Variants in CCDC6 observed in about 807,000 individuals in gnomAD.
The protein encoded by CCDC6 is coiled-coil domain-containing protein 6.
A neutral mutation model predicts 56.6 loss-of-function variants in CCDC6; 20 were observed. That is an observed-to-expected ratio of 0.35 (90% confidence interval 0.25 to 0.51). The LOEUF (loss-of-function observed/expected upper bound fraction) is 0.51. CCDC6 is among the 20% of genes least tolerant of loss of function. The pLI, the probability that CCDC6 is intolerant of heterozygous loss-of-function variation, is 0.95. For synonymous variants in CCDC6, 241 were observed against 234.4 expected (o/e 1.03, Z -0.26); for missense variants, 367 against 601.1 (o/e 0.61, Z 4.07).
At chr10:59,821,733 T>C (rs557130695) in intron 3 of CCDC6, among the ~76,000 whole-genome samples, 18 of 152,070 alleles carry the variant, frequency 1.2e-4, no homozygotes, top group African/African-American at 4.3e-4. Context: ...ATCAAAGTTA[T>C]AATTGAAAAG....
intron 1 of CCDC6, among the ~76,000 whole-genome samples, chr10:59,894,639 T>TA (rs2132684714): frequency 7.0e-6 from 1 of 142,288 alleles, no homozygotes; most frequent in South Asian, 2.5e-4. Context: ...GATTGTAACA[T>TA]AAATGCAAAG....
Position 59,812,803 on chromosome 10 carries a change from G to A in CCDC6, c.687-8C>T. On this transcript the variant is annotated splice_polypyrimidine_tract_variant and splice_region_variant and intron_variant, in intron 4 of 8. Coordinates refer to ENST00000263102, the MANE Select transcript of CCDC6 (RefSeq NM_005436.5). ...AATTTTTCCTGCAGGATTCTTCATT[G>A]AAAAGAAAAATTCCAACAATGACTA... 1 of 1,576,386 alleles carries A rather than the reference G, an allele frequency of 6.3e-7. No homozygotes were observed. The highest frequency in any genetic ancestry group is 8.6e-7 in the Non-Finnish European group (1 of 1,158,600).
rs1305142203 is a variant in CCDC6 at position 59,792,207 on chromosome 10, A to AT, written c.*709dup. On this transcript the variant is annotated 3_prime_UTR_variant, in exon 9 of 9. Transcript: ENST00000263102. ...CAGGTTAAGTAGATTAACATTAAGG[A>AT]TAAAAAAGAGAATCACATCTTAATA... 1 of 261,000 alleles carries AT rather than the reference A, an allele frequency of 3.8e-6. No individual in the cohort carries two copies. The highest frequency in any genetic ancestry group is 7.5e-6 in the Non-Finnish European group (1 of 134,196). 16.2% of individuals were successfully genotyped at this position (261,000 alleles called of 1,614,324 possible).
intron 1 of CCDC6, among the ~76,000 whole-genome samples, chr10:59,882,985 T>G (rs2071356402): frequency 1.3e-5 from 2 of 149,702 alleles, no homozygotes; most frequent in Admixed American, 6.6e-5. Context: ...TAAAATTAGG[T>G]GAGGGGTGTA....
At chr10:59,814,014 G>A (rs2070692888) in intron 4 of CCDC6, among the ~76,000 whole-genome samples, 4 of 152,046 alleles carry the variant, frequency 2.6e-5, no homozygotes. Context: ...TCCACATACA[G>A]AATCTTCTTC....
intron 1 of CCDC6, among the ~76,000 whole-genome samples, chr10:59,862,813 C>G (rs532276229): frequency 2.7e-4 from 41 of 152,122 alleles, no homozygotes; most frequent in African/African-American, 9.9e-4. Context: ...TGGCAGTGTA[C>G]ATTGGTACAA....
At position 59,906,260 on chromosome 10, in the gene CCDC6, G is replaced by A; in HGVS notation, c.165C>T (p.Arg55=). 1 of 1,612,672 alleles carries A rather than the reference G, an allele frequency of 6.2e-7. No individual in the cohort carries two copies. The highest frequency in any genetic ancestry group is 8.5e-7 in the Non-Finnish European group (1 of 1,179,824). The change falls in exon 1 of 9, where the codon CGC becomes CGT. Residue 55 remains arginine, a synonymous_variant. Transcript: ENST00000263102. ...KSGGIVISPF[R]LEELTNRLAS... ...CCAGGCGGTTGGTGAGCTCCTCCAG[G>A]CGGAACGGCGAGATGACAATGCCCC...
chr10:59,822,731 G>A (rs555201493), intron 3 of CCDC6, among the ~76,000 whole-genome samples: 9 of 152,118 alleles, frequency 5.9e-5, no homozygotes, highest in Non-Finnish European at 1.2e-4. Flanking sequence ...GGACAGGGGG[G>A]CAGAGAAATT....
chr10:59,877,480 G>C (rs1325652977), intron 1 of CCDC6, among the ~76,000 whole-genome samples: 1 of 152,148 alleles, frequency 6.6e-6, no homozygotes, highest in East Asian at 1.9e-4. Flanking sequence ...GATACAGCTG[G>C]GGTAGGGTCA....
chr10:59,803,312 T>A (rs2070592597), intron 7 of CCDC6, among the ~76,000 whole-genome samples: 1 of 151,282 alleles, frequency 6.6e-6, no homozygotes. Context: ...TTTGATTGCC[T>A]CCTCTTAAAA....
At chr10:59,866,197 G>A (rs1178773728) in intron 1 of CCDC6, among the ~76,000 whole-genome samples, 2 of 152,182 alleles carry the variant, frequency 1.3e-5, no homozygotes, top group Middle Eastern at 6.8e-3. Flanking sequence ...ACCCTGAAGG[G>A]GTATATAATC....
Position 59,790,229 on chromosome 10 carries a change from A to G in CCDC6, c.*2688T>C. ...TCCTATTAGCAGCACAGTGGTAGCC[A>G]AGGGTCTCTGTCTGCAAGACAGGAA... On this transcript the variant is annotated 3_prime_UTR_variant, in exon 9 of 9. Transcript: ENST00000263102. 1 of 217,482 alleles carries G rather than the reference A, an allele frequency of 4.6e-6. No homozygotes were observed. Among genetic ancestry groups the G allele is most frequent in the East Asian group, 6.8e-5 (1 of 14,726 alleles). The allele number at this position is 217,482 out of a possible 1,614,324, so 13.5% of individuals were successfully genotyped here. A position where few individuals can be genotyped will look rare whatever the true frequency, so the allele number is the denominator to read the frequency against.
At chr10:59,890,838 C>A (rs1447114997) in intron 1 of CCDC6, among the ~76,000 whole-genome samples, 1 of 152,062 alleles carries the variant, frequency 6.6e-6, no homozygotes, top group South Asian at 2.1e-4. Flanking sequence ...CCCGTTAACT[C>A]GTCATTTACA....
intron 3 of CCDC6, among the ~76,000 whole-genome samples, chr10:59,819,699 T>C (rs2070736223): frequency 6.6e-6 from 1 of 152,220 alleles, no homozygotes; most frequent in South Asian, 2.1e-4. Flanking sequence ...TCTCTATCTG[T>C]AATAATCTCT....
intron 1 of CCDC6, among the ~76,000 whole-genome samples, chr10:59,853,734 A>G (rs1018837394): frequency 1.3e-5 from 2 of 152,084 alleles, no homozygotes; most frequent in African/African-American, 4.8e-5. Context: ...CCCTATTGGG[A>G]ATTTTTTGGA....
chr10:59,881,887 TGAATACTTAC>T (rs1481656674), intron 1 of CCDC6, among the ~76,000 whole-genome samples: 1 of 152,200 alleles, frequency 6.6e-6, no homozygotes, highest in Non-Finnish European at 1.5e-5. Context: ...AGGGGCACAC[TGAATACTTAC>T]GAATACTTAG....
At chr10:59,880,968 A>G (rs1029365974) in intron 1 of CCDC6, among the ~76,000 whole-genome samples, 23 of 152,260 alleles carry the variant, frequency 1.5e-4, no homozygotes, top group African/African-American at 5.1e-4. Context: ...ATGATCAGAG[A>G]TGACTACCTT....
At chr10:59,824,672 G>C (rs2070773416) in intron 3 of CCDC6, among the ~76,000 whole-genome samples, 1 of 151,962 alleles carries the variant, frequency 6.6e-6, no homozygotes, top group Non-Finnish European at 1.5e-5. Flanking sequence ...AAGAGAGGAA[G>C]AGAAAAGAGG....
chr10:59,819,544 C>T (rs370588807), intron 3 of CCDC6, among the ~76,000 whole-genome samples: 7 of 152,244 alleles, frequency 4.6e-5, no homozygotes, highest in South Asian at 2.1e-4. Flanking sequence ...ATAACAGTTC[C>T]GCCAATTAAA....
Sources: gnomAD v4.1 joint callset for allele counts (sites outside exome capture counted in the v4.1 genomes callset) on GRCh38, gnomAD v4.1.1 for gene constraint, MANE v1.5 for transcripts, NCBI Gene and HGNC (gene_info 2026-07-23, HGNC 2026-07-21) for gene names.